Variants in SLTM observed in about 807,000 individuals in gnomAD.
The protein encoded by SLTM is SAFB like transcription modulator.
Under a neutral mutation model 134.6 loss-of-function variants are expected in SLTM, and 43 were observed. The observed-to-expected ratio is 0.32, with a 90% CI of 0.25 to 0.41. The LOEUF is 0.41. Ranked by LOEUF, SLTM falls within the 10% of genes least tolerant of loss-of-function variation. The pLI is 1.00. For missense variants in SLTM, 1,055 were observed against 1,288.8 expected (o/e 0.82, Z 2.78); for synonymous variants, 424 against 432.3 (o/e 0.98, Z 0.24).
At chr15:58,912,247 C>G (rs528380808) in intron 5 of SLTM, among the ~76,000 whole-genome samples, 2 of 152,018 alleles carry the variant, frequency 1.3e-5, no homozygotes, top group South Asian at 4.2e-4. Context: ...TTACAGGTGC[C>G]CGCCACCACG....
chr15:58,900,468 G>C (rs1316931990), intron 6 of SLTM: 1 of 153,500 alleles, frequency 6.5e-6, no homozygotes, highest in African/African-American at 2.4e-5. Flanking sequence ...AGGCTCCAAA[G>C]ATGCTCCTGC....
chr15:58,894,936 C>T (rs1382552573), intron 9 of SLTM, among the ~76,000 whole-genome samples: 1 of 152,082 alleles, frequency 6.6e-6, no homozygotes, highest in Non-Finnish European at 1.5e-5. Context: ...AAGGCCTGAC[C>T]TCAGGTGATC....
intron 2 of SLTM, chr15:58,921,523 T>A (rs1365746626): frequency 1.2e-5 from 5 of 427,774 alleles, no homozygotes; most frequent in Non-Finnish European, 2.4e-5. Context: ...TGCTGTCCCA[T>A]ACTGTTTCCA....
intron 16 of SLTM, 93 bp from the exon 17 acceptor site, chr15:58,888,648 G>T: frequency 1.6e-6 from 2 of 1,264,948 alleles, no homozygotes; most frequent in South Asian, 1.4e-5. Flanking sequence ...TGTTAGAACT[G>T]TGGACATAAC....
At chr15:58,891,035 T>C (rs552164838) in intron 14 of SLTM, among the ~76,000 whole-genome samples, 1 of 152,244 alleles carries the variant, frequency 6.6e-6, no homozygotes, top group African/African-American at 2.4e-5. Context: ...GGTAGTTCAA[T>C]TGTTCACTGA....
intron 12 of SLTM, 38 bp from the exon 13 acceptor site, chr15:58,893,402 T>C (rs763851027): frequency 2.5e-5 from 36 of 1,432,100 alleles, no homozygotes; most frequent in Non-Finnish European, 3.1e-5. Context: ...TGTCTAAAAT[T>C]TTTCATTGAG....
rs146245087 is a variant in SLTM at position 58,928,828 on chromosome 15, T to C, written c.250+3528A>G. Among the ~76,000 whole-genome samples the C allele has an allele frequency of 2.7e-3, 409 of 152,340 alleles. 1 individual carries two copies. The highest frequency in any genetic ancestry group is 9.4e-3 in the African/African-American group (390 of 41,582). On this transcript the variant is annotated intron_variant, in intron 2 of 20. Coordinates refer to ENST00000380516, the MANE Select transcript of SLTM (RefSeq NM_024755.4). ...TTATGTCTCGCTGATGTCTACATAA[T>C]TACCTCTACGTAATCCCCTTCTTGG...
intron 19 of SLTM, 127 bp from the exon 20 acceptor site, chr15:58,883,913 C>T: frequency 1.1e-6 from 1 of 938,210 alleles, no homozygotes. Flanking sequence ...GCCTGGCTAA[C>T]ATGGTGCAAC....
At chr15:58,903,016 T>G (rs534655580) in intron 5 of SLTM, among the ~76,000 whole-genome samples, 1 of 152,018 alleles carries the variant, frequency 6.6e-6, no homozygotes, top group African/African-American at 2.4e-5. Flanking sequence ...ATTCTCCTGC[T>G]TCAGCCTCCC....
At chr15:58,920,100 G>A (rs2141176467) in intron 2 of SLTM, among the ~76,000 whole-genome samples, 1 of 152,228 alleles carries the variant, frequency 6.6e-6, no homozygotes, top group African/African-American at 2.4e-5. Context: ...CAGATTGCTT[G>A]AAGCCCGGAG....
intron 9 of SLTM, 25 bp from the exon 10 acceptor site, chr15:58,894,607 A>G (rs980197175): frequency 1.9e-6 from 3 of 1,612,806 alleles, no homozygotes; most frequent in Admixed American, 1.7e-5. Context: ...TGTACTTTAG[A>G]GAGTTTTACA....
At chr15:58,892,831 GCTTACAACTAGTGT>G in intron 14 of SLTM, 52 bp downstream of exon 14, 1 of 1,485,806 alleles carries the variant, frequency 6.7e-7, no homozygotes, top group Non-Finnish European at 9.2e-7. Context: ...CAGAAATATG[GCTTACAACTAGTGT>G]TAAATATTTA....
chr15:58,926,245 C>T (rs974219442), intron 2 of SLTM, among the ~76,000 whole-genome samples: 40 of 152,082 alleles, frequency 2.6e-4, no homozygotes, highest in African/African-American at 9.2e-4. Flanking sequence ...AGAATATAGA[C>T]GGAAGGTTAT....
intron 2 of SLTM, among the ~76,000 whole-genome samples, chr15:58,925,361 A>G (rs2037385623): frequency 6.6e-6 from 1 of 152,096 alleles, no homozygotes; most frequent in South Asian, 2.1e-4. Flanking sequence ...TTTTTGTGGC[A>G]GGGTCTTACT....
chr15:58,889,969 T>C, intron 15 of SLTM: 2 of 389,164 alleles, frequency 5.1e-6, no homozygotes, highest in South Asian at 4.0e-5. Context: ...GAAATCGTTA[T>C]TATTTTCTAA....
rs374779296 is a variant in SLTM at position 58,883,735 on chromosome 15, C to T, written c.2887G>A (p.Gly963Arg). The T allele has an allele frequency of 1.7e-5, 28 of 1,613,966 alleles. No homozygotes were observed. The highest frequency in any genetic ancestry group is 1.9e-5 in the Non-Finnish European group (23 of 1,180,040). The change falls in exon 20 of 21, where the codon GGA (glycine) becomes AGA (arginine). Residue 963 changes from glycine (G) to arginine (R), a missense_variant. Around this residue, in one of 3 missense-constraint regions of SLTM, gnomAD observed 776 missense variants for 962.2 expected, o/e 0.81. Transcript: ENST00000380516. ...VVERHGRDTS[G>R]PRKEWHGPPS... ...GGACCATGCCACTCTTTCCTTGGTC[C>T]GCTTGTGTCCCGTCCATGGCGTTCA...
chr15:58,931,750 C>G (rs1322766984), intron 2 of SLTM, among the ~76,000 whole-genome samples: 1 of 152,178 alleles, frequency 6.6e-6, no homozygotes, highest in African/African-American at 2.4e-5. Context: ...ATATTTTGCT[C>G]TAGCTTAAAA....
chr15:58,929,510 GT>G (rs768432748), intron 2 of SLTM, among the ~76,000 whole-genome samples: 4 of 152,112 alleles, frequency 2.6e-5, no homozygotes, highest in African/African-American at 7.2e-5. Flanking sequence ...TATATCCTTG[GT>G]TTTCAAATCT....
chr15:58,899,666 T>G lies in SLTM; in HGVS notation c.861A>C (p.Ala287=). 1 of 1,614,208 alleles carries G rather than the reference T, an allele frequency of 6.2e-7. No individual in the cohort carries two copies. The highest frequency in any genetic ancestry group is 8.5e-7 in the Non-Finnish European group (1 of 1,180,014). ...SKPKDGQDAI[A]QSPEKESKDY... ...CCTTGCTTTCCTTCTCCGGGCTCTGTGCAATGGCGTCCTGCCCATCTTTTG... is the reference window on the plus strand; with the variant it reads ...CCTTGCTTTCCTTCTCCGGGCTCTGGGCAATGGCGTCCTGCCCATCTTTTG... The change falls in exon 7 of 21, where the codon GCA becomes GCC. Residue 287 remains alanine (A), a synonymous_variant. Coordinates refer to ENST00000380516, the MANE Select transcript of SLTM (RefSeq NM_024755.4). This position sits in a 1 kb window ranked among gnomAD's most constrained non-coding sequence, Gnocchi z 5.0.
Sources: gnomAD v4.1 joint callset for allele counts (sites outside exome capture counted in the v4.1 genomes callset) on GRCh38, gnomAD v4.1.1 for gene constraint, gnomAD v4.1.1 regional missense constraint, Gnocchi (gnomAD v3.1) non-coding constraint, MANE v1.5 for transcripts, NCBI Gene and HGNC (gene_info 2026-07-23, HGNC 2026-07-21) for gene names.